FAT1: variants seen among roughly 807,000 people sequenced by gnomAD.
The protein encoded by FAT1 is protocadherin Fat 1.
A neutral mutation model predicts 329.8 loss-of-function variants in FAT1; 171 were observed. That is an observed-to-expected ratio of 0.52 (90% CI 0.46 to 0.59). The LOEUF (loss-of-function observed/expected upper bound fraction) is 0.59. FAT1 is among the 20% of genes least tolerant of loss of function. FAT1 has a pLI of 0.00. For synonymous variants in FAT1, 2,233 were observed against 2,228.6 expected (o/e 1.00, Z -0.06); for missense variants, 5,672 against 5,774.4 (o/e 0.98, Z 0.57).
chr4:186,702,785 T>C (rs972184308), intron 2 of FAT1, among the ~76,000 whole-genome samples: 3 of 152,180 alleles, frequency 2.0e-5, no homozygotes, highest in Non-Finnish European at 4.4e-5. Context: ...GGAAAACCTG[T>C]TGAAGCTTAC....
chr4:186,614,938 G>A (rs1473770116), intron 11 of FAT1, among the ~76,000 whole-genome samples: 1 of 102,156 alleles, frequency 9.8e-6, no homozygotes, highest in Non-Finnish European at 1.8e-5. Flanking sequence ...GCTCAAACAC[G>A]GTGAACACTT....
At position 186,723,815 on chromosome 4, in the gene FAT1, C is replaced by A. The variant is rs1444727034; in HGVS notation, c.-170G>T. 6.6e-6 allele frequency: 1 copy of A among 150,796 alleles called. No homozygotes were observed. Among genetic ancestry groups the A allele is most frequent in the Non-Finnish European group, 1.5e-5 (1 of 67,700 alleles). The allele number at this position is 150,796 out of a possible 1,614,324, so 9.3% of individuals were successfully genotyped here. A position where few individuals can be genotyped will look rare whatever the true frequency, so the allele number is the denominator to read the frequency against. ...GCACGAGCCGCTCCCGCGCCCTCTC[C>A]CCGCGCCCGGCCGCCCAGCTCGGCG... On this transcript the variant is annotated 5_prime_UTR_variant, in exon 1 of 27. Coordinates refer to ENST00000441802, the MANE Select transcript of FAT1 (RefSeq NM_005245.4).
rs367953057 is a variant in FAT1, at chr4:186,621,019, C to T, written c.5567G>A (p.Arg1856His). 39 of 1,612,514 alleles carry T rather than the reference C, an allele frequency of 2.4e-5. No homozygotes were observed. In the African/African-American group the frequency reaches 3.7e-4, roughly 15 times the overall value. Residue 1856 changes from arginine (R) to histidine (H), a missense_variant, in exon 10 of 27, where the codon CGT (arginine) becomes CAT (histidine). Arg to His is a conservative substitution (Grantham distance 29). Transcript: ENST00000441802. The stretch of plus-strand genomic sequence containing the variant: ...ATTCGCTGCATACTCAGCAAATAAA[C>T]GTGGGGTTCCCATGTCATGCACTTG... ...TVQVHDMGTP[R>H]LFAEYAANVT...
chr4:186,689,078 A>G (rs984755593), intron 2 of FAT1, among the ~76,000 whole-genome samples: 16 of 152,244 alleles, frequency 1.1e-4, no homozygotes, highest in African/African-American at 3.9e-4. Flanking sequence ...TGAATTAATT[A>G]TACATGTTAG....
rs1034254014 is a variant in FAT1, at chr4:186,606,060, C to G, written c.10350+10G>C. On this transcript the variant is annotated intron_variant, in intron 17 of 26. Transcript: ENST00000441802. ...AGAACCCCAGGACCACCTTGGCACT[C>G]GAAGCCCACCTGGATAATGACACTG... The G allele has an allele frequency of 6.2e-7, 1 of 1,611,766 alleles. No individual in the cohort carries two copies. The highest frequency in any genetic ancestry group is 8.5e-7 in the Non-Finnish European group (1 of 1,179,288).
At chr4:186,629,245 GGTT>G (rs1281770079) in intron 7 of FAT1, among the ~76,000 whole-genome samples, 4 of 151,960 alleles carry the variant, frequency 2.6e-5, no homozygotes, top group Non-Finnish European at 4.4e-5. Flanking sequence ...CCTGATCATA[GGTT>G]TTTTTAATAC....
intron 26 of FAT1, among the ~76,000 whole-genome samples, chr4:186,593,558 TAATC>T (rs1357588311): frequency 1.3e-5 from 2 of 152,166 alleles, no homozygotes; most frequent in Non-Finnish European, 2.9e-5. Flanking sequence ...GGGCCCAGTG[TAATC>T]ATAAGGGTAA....
intron 22 of FAT1, 54 bp downstream of exon 22, chr4:186,599,844 C>T (rs1299034389): frequency 7.4e-7 from 1 of 1,354,320 alleles, no homozygotes; most frequent in Non-Finnish European, 1.0e-6. Flanking sequence ...GGGAGCTTCC[C>T]CTTAAATGTA....
intron 2 of FAT1, among the ~76,000 whole-genome samples, chr4:186,699,265 A>AT (rs754533585): frequency 2.6e-5 from 4 of 151,806 alleles, no homozygotes; most frequent in Non-Finnish European, 4.4e-5. Context: ...AGTAACTTTT[A>AT]TTAAAAAAAA....
rs2126460826 is a variant in FAT1 at position 186,610,001 on chromosome 4, T to A, written c.9868A>T (p.Ile3290Phe). 6.2e-7 allele frequency: 1 copy of A among 1,609,088 alleles called. No homozygotes were observed. Among genetic ancestry groups the A allele is most frequent in the Non-Finnish European group, 8.5e-7 (1 of 1,175,680 alleles). The change falls in exon 15 of 27, where the codon ATT becomes TTT. Residue 3290 changes from isoleucine to phenylalanine, a missense_variant. Transcript: ENST00000441802. ...IDSKTGAVFI[I>F]ENLDYESSHE... Reference sequence around the variant, plus strand: ...GAGCTCTCATAATCCAGATTCTCAATGATAAATACGGCCCCTGAATAGAAA... The same window carrying A: ...GAGCTCTCATAATCCAGATTCTCAAAGATAAATACGGCCCCTGAATAGAAA...
At chr4:186,666,826 C>T (rs10155467) in intron 2 of FAT1, among the ~76,000 whole-genome samples, 49,620 of 152,050 alleles carry the variant, frequency 0.33, 8,793 homozygotes, top group South Asian at 0.41. Context: ...ATTTCACTAA[C>T]GAAAAACTCA....
chr4:186,613,410 C>T, intron 12 of FAT1, 68 bp from the exon 13 acceptor site: 1 of 1,210,100 alleles, frequency 8.3e-7, no homozygotes, highest in Non-Finnish European at 1.2e-6. Flanking sequence ...ATCTTATTTC[C>T]TCCCCTTTTG....
At chr4:186,689,926 G>C (rs1743673497) in intron 2 of FAT1, among the ~76,000 whole-genome samples, 1 of 152,130 alleles carries the variant, frequency 6.6e-6, no homozygotes, top group African/African-American at 2.4e-5. Flanking sequence ...AAGCCCATTA[G>C]AAGATCTCAT....
chr4:186,595,605 G>A, intron 26 of FAT1, 84 bp downstream of exon 26: 1 of 1,473,058 alleles, frequency 6.8e-7, no homozygotes, highest in Non-Finnish European at 9.4e-7. Context: ...GGCTTTAAGG[G>A]TAGATAGTGC....
intron 2 of FAT1, among the ~76,000 whole-genome samples, chr4:186,682,945 C>T (rs942850367): frequency 1.3e-5 from 2 of 152,146 alleles, no homozygotes; most frequent in Non-Finnish European, 2.9e-5. Flanking sequence ...GAGTCCTCTC[C>T]TGTGGTAAGG....
chr4:186,703,803 T>A (rs1744446869), intron 2 of FAT1, among the ~76,000 whole-genome samples: 1 of 152,212 alleles, frequency 6.6e-6, no homozygotes, highest in African/African-American at 2.4e-5. Flanking sequence ...TGCCCCTCCA[T>A]CTCTTCACCT....
Position 186,601,449 on chromosome 4 carries a change from A to T in FAT1, c.11483-23T>A, listed in dbSNP as rs776142051. The T allele has an allele frequency of 1.9e-6, 3 of 1,591,004 alleles. No homozygotes were observed. In the Admixed American group the frequency reaches 5.0e-5, roughly 27 times the overall value. On this transcript the variant is annotated intron_variant, in intron 20 of 26. Coordinates refer to ENST00000441802, the MANE Select transcript of FAT1 (RefSeq NM_005245.4). ...TCCCTGTGAATCACACAGAGGAAAA[A>T]ATAAACCAGAACCAAGTTTAAGCAT... is the stretch of plus-strand genomic sequence containing the variant.
intron 3 of FAT1, among the ~76,000 whole-genome samples, chr4:186,651,344 T>G (rs576881807): frequency 6.6e-6 from 1 of 152,066 alleles, no homozygotes; most frequent in East Asian, 1.9e-4. Context: ...TGTATGTGAC[T>G]TAGAGATCAT....
At chr4:186,653,479 A>G (rs72716281) in intron 3 of FAT1, among the ~76,000 whole-genome samples, 4,103 of 152,278 alleles carry the variant, frequency 0.027, 82 homozygotes, top group South Asian at 0.046. Context: ...TTCAATTTTT[A>G]CTTCAGAAAT....
Sources: gnomAD v4.1 joint callset for allele counts (sites outside exome capture counted in the v4.1 genomes callset) on GRCh38, gnomAD v4.1.1 for gene constraint, MANE v1.5 for transcripts, NCBI Gene and HGNC (gene_info 2026-07-23, HGNC 2026-07-21) for gene names.